The following SCFD2 variants were observed in gnomAD, a reference collection of about 807,000 sequenced individuals.
SCFD2 encodes sec1 family domain-containing protein 2.
A neutral mutation model predicts 58.9 loss-of-function variants in SCFD2; 54 were observed. The ratio of observed to expected loss-of-function variants is 0.92; its 90% CI spans 0.74 to 1.15. SCFD2 has a LOEUF of 1.15. Ranked by LOEUF, SCFD2 falls within the 50% of genes most tolerant of loss-of-function variation. The probability of loss-of-function intolerance (pLI) is 0.00; values close to 1 mark genes in which losing one functional copy is unlikely to be tolerated. For missense variants in SCFD2, 805 were observed against 836.6 expected, an observed-to-expected ratio of 0.96 and a Z score of 0.47; for synonymous variants, 321 against 335.9, an observed-to-expected ratio of 0.96 and a Z score of 0.49.
At chr4:53,233,983 C>T (rs1385182763) in intron 4 of SCFD2, among the ~76,000 whole-genome samples, 1 of 152,092 alleles carries the variant, frequency 6.6e-6, no homozygotes, top group Non-Finnish European at 1.5e-5. Flanking sequence ...TCCCAGTACT[C>T]ATAAAAAAAG....
At chr4:52,915,987 A>C (rs1719592634) in intron 6 of SCFD2, among the ~76,000 whole-genome samples, 1 of 152,258 alleles carries the variant, frequency 6.6e-6, no homozygotes, top group South Asian at 2.1e-4. Context: ...CTGCTGGTTC[A>C]AAATGCTCTT....
At chr4:53,068,466 G>A (rs17082376) in intron 5 of SCFD2, among the ~76,000 whole-genome samples, 2,262 of 152,094 alleles carry the variant, frequency 0.015, 55 homozygotes, top group African/African-American at 0.052. Context: ...AGATAGAGAG[G>A]AAAATTCAGA....
chr4:52,947,484 A>G (rs1720462352), intron 5 of SCFD2, among the ~76,000 whole-genome samples: 1 of 152,258 alleles, frequency 6.6e-6, no homozygotes, highest in African/African-American at 2.4e-5. Context: ...GCGAGAGCAT[A>G]TGGTTAAGAA....
chr4:53,159,458 C>T (rs1453473332), intron 4 of SCFD2, among the ~76,000 whole-genome samples: 1 of 152,122 alleles, frequency 6.6e-6, no homozygotes, highest in South Asian at 2.1e-4. Flanking sequence ...AATCCAAATC[C>T]TTGGGACAAG....
rs544417067 is a variant in SCFD2 at position 52,972,517 on chromosome 4, C to T, written c.1562-51647G>A. ...TACAGGAGCACCCAGATTCATAAAGCGAGTCCTTAGAGACCTACAAAGAGA... is the reference window on the plus strand; with the variant it reads ...TACAGGAGCACCCAGATTCATAAAGTGAGTCCTTAGAGACCTACAAAGAGA... On this transcript the variant is annotated intron_variant, in intron 5 of 8. Transcript: ENST00000401642. 1.2e-4 allele frequency among the ~76,000 whole-genome samples: 18 copies of T among 152,224 alleles called. No homozygotes were observed. The East Asian group carries it at 2.7e-3, about 23-fold the overall frequency.
chr4:53,151,607 G>A (rs1490234525), intron 4 of SCFD2, among the ~76,000 whole-genome samples: 3 of 152,194 alleles, frequency 2.0e-5, no homozygotes, highest in African/African-American at 2.4e-5. Context: ...AGGCCAGGCT[G>A]GCTGTACACC....
chr4:52,964,527 A>G (rs1247297899), intron 5 of SCFD2, among the ~76,000 whole-genome samples: 1 of 152,222 alleles, frequency 6.6e-6, no homozygotes, highest in East Asian at 1.9e-4. Flanking sequence ...CCATGTTTCC[A>G]GGAACATTCT....
chr4:53,283,945 C>T (rs1365464951), intron 3 of SCFD2, among the ~76,000 whole-genome samples: 2 of 151,514 alleles, frequency 1.3e-5, no homozygotes, highest in African/African-American at 4.8e-5. Context: ...GTGAAACCCC[C>T]GTCTCTACTA....
chr4:53,346,838 T>C (rs913713470), intron 2 of SCFD2, among the ~76,000 whole-genome samples: 2 of 152,178 alleles, frequency 1.3e-5, no homozygotes, highest in Non-Finnish European at 2.9e-5. Context: ...AGACAACAAC[T>C]TTCTTTCCTA....
Position 53,246,874 on chromosome 4 carries a change from G to A in SCFD2, c.1311+26952C>T, listed in dbSNP as rs577339320. Among the ~76,000 whole-genome samples the A allele has an allele frequency of 2.6e-5, 4 of 151,268 alleles. No individual in the cohort carries two copies. The East Asian group carries it at 7.8e-4, about 30-fold the overall frequency. ...GGATCTAACCAAACAAAAGAGCTCT[G>A]CACAGTAAAAGAAGCTATCAACAGA... On this transcript the variant is annotated intron_variant, in intron 4 of 8. Coordinates refer to ENST00000401642, the MANE Select transcript of SCFD2 (RefSeq NM_152540.4).
At chr4:53,225,195 C>T (rs1479473752) in intron 4 of SCFD2, among the ~76,000 whole-genome samples, 5 of 152,016 alleles carry the variant, frequency 3.3e-5, no homozygotes, top group Admixed American at 2.6e-4. Context: ...AGGTTTATTG[C>T]CAAAGTGCTT....
At chr4:53,280,806 T>G (rs1731485269) in intron 3 of SCFD2, among the ~76,000 whole-genome samples, 2 of 152,186 alleles carry the variant, frequency 1.3e-5, no homozygotes, top group African/African-American at 2.4e-5. Flanking sequence ...ATATAATATA[T>G]TCTGCTAAAA....
intron 5 of SCFD2, among the ~76,000 whole-genome samples, chr4:53,111,449 CTG>C (rs1725170914): frequency 6.6e-6 from 1 of 151,988 alleles, no homozygotes; most frequent in Non-Finnish European, 1.5e-5. Context: ...TTGAATTATT[CTG>C]TGTTATATTT....
chr4:53,215,837 T>G (rs549789214), intron 4 of SCFD2, among the ~76,000 whole-genome samples: 1 of 152,260 alleles, frequency 6.6e-6, no homozygotes, highest in Admixed American at 6.5e-5. Flanking sequence ...CTTAATTTAT[T>G]GAGAGTTTTT....
intron 3 of SCFD2, among the ~76,000 whole-genome samples, chr4:53,278,397 C>T (rs1241868653): frequency 6.6e-6 from 1 of 150,810 alleles, no homozygotes; most frequent in Non-Finnish European, 1.5e-5. Flanking sequence ...GAAAAATTAG[C>T]TGGGCATGGT....
chr4:53,350,320 C>T (rs766164875), intron 2 of SCFD2, among the ~76,000 whole-genome samples: 54 of 152,254 alleles, frequency 3.5e-4, no homozygotes, highest in Non-Finnish European at 6.0e-4. Context: ...CTTACCATTT[C>T]CCCCAGAATC....
intron 5 of SCFD2, among the ~76,000 whole-genome samples, chr4:53,048,638 G>A (rs1250892745): frequency 6.6e-6 from 1 of 152,284 alleles, no homozygotes. Context: ...CTACTAAGTA[G>A]GTTGAAGTGG....
At chr4:52,888,924 G>A (rs1305492530) in intron 7 of SCFD2, among the ~76,000 whole-genome samples, 1 of 152,124 alleles carries the variant, frequency 6.6e-6, no homozygotes, top group Non-Finnish European at 1.5e-5. Context: ...GACACCTCCT[G>A]GGATTTCTGA....
chr4:52,905,975 T>C lies in SCFD2; in HGVS notation c.1842+1482A>G, dbSNP rs184436503. Among the ~76,000 whole-genome samples, 189 of 152,354 alleles carry C rather than the reference T, an allele frequency of 1.2e-3. 2 individuals are homozygous for C. Among genetic ancestry groups the C allele is most frequent in the African/African-American group, 4.2e-3 (176 of 41,582 alleles). On this transcript the variant is annotated intron_variant, in intron 7 of 8. Coordinates refer to ENST00000401642, the MANE Select transcript of SCFD2 (RefSeq NM_152540.4). ...CATTAGTGTATTAAAGGCACTGTGA[T>C]GTTGGACTGTAAAGAAACAATCAAA...
Sources: gnomAD v4.1 joint callset for allele counts (sites outside exome capture counted in the v4.1 genomes callset) on GRCh38, gnomAD v4.1.1 for gene constraint, MANE v1.5 for transcripts, NCBI Gene and HGNC (gene_info 2026-07-23, HGNC 2026-07-21) for gene names.